Variants in CAMTA1 observed in about 807,000 individuals in gnomAD.
CAMTA1 encodes calmodulin-binding transcription activator 1.
In CAMTA1, 27 loss-of-function variants were observed where a neutral mutation model predicts 170.9. That is an observed-to-expected ratio of 0.16 (90% CI 0.12 to 0.22). The LOEUF is 0.22. CAMTA1 is among the 10% of genes least tolerant of loss of function. CAMTA1 has a pLI of 1.00. For missense variants in CAMTA1, 1,619 were observed against 2,217.2 expected, an observed-to-expected ratio of 0.73 and a Z score of 5.42; for synonymous variants, 833 against 891.5, an observed-to-expected ratio of 0.93 and a Z score of 1.17.
At chr1:7,310,763 C>T (rs1201909851) in intron 5 of CAMTA1, among the ~76,000 whole-genome samples, 1 of 146,876 alleles carries the variant, frequency 6.8e-6, no homozygotes, top group Non-Finnish European at 1.5e-5. Context: ...GACAGTCTTG[C>T]TCTGTTGCCC....
At chr1:7,279,847 C>T (rs914727002) in intron 5 of CAMTA1, among the ~76,000 whole-genome samples, 9 of 152,172 alleles carry the variant, frequency 5.9e-5, no homozygotes, top group Non-Finnish European at 1.0e-4. Flanking sequence ...CCTCAGGTTA[C>T]TGCTGGTGGT....
intron 6 of CAMTA1, among the ~76,000 whole-genome samples, chr1:7,470,773 G>A (rs1032824303): frequency 2.0e-5 from 3 of 152,202 alleles, no homozygotes; most frequent in Non-Finnish European, 4.4e-5. Flanking sequence ...TTCAGTGGCC[G>A]CCTCCTGCCG....
rs190232481 is a variant in CAMTA1, at chr1:7,286,859, T to C, written c.438+37233T>C. The stretch of plus-strand genomic sequence containing the variant: ...AAGCCTCAGTTTCCTCCTCTGAAAA[T>C]GAGGACAGAGGTGCTCTGAGGACTC... On this transcript the variant is annotated intron_variant, in intron 5 of 22. Coordinates refer to ENST00000303635, the MANE Select transcript of CAMTA1 (RefSeq NM_015215.4). The surrounding 1 kb of genome is among the most constrained non-coding windows in gnomAD (Gnocchi z 4.2). 6.6e-6 allele frequency among the ~76,000 whole-genome samples: 1 copy of C among 152,246 alleles called. No homozygotes were observed. The highest frequency in any genetic ancestry group is 2.4e-5 in the African/African-American group (1 of 41,560).
intron 6 of CAMTA1, among the ~76,000 whole-genome samples, chr1:7,492,340 G>A (rs942687918): frequency 2.0e-5 from 3 of 152,180 alleles, no homozygotes; most frequent in Non-Finnish European, 2.9e-5. Context: ...GCTTACGGGC[G>A]TGACATGCAT....
intron 18 of CAMTA1, among the ~76,000 whole-genome samples, chr1:7,746,601 G>A (rs1444557713): frequency 6.6e-6 from 1 of 152,178 alleles, no homozygotes; most frequent in Non-Finnish European, 1.5e-5. Flanking sequence ...GCCAGGGCGG[G>A]AATGGGGCTT....
rs180760348 is a variant in CAMTA1 at position 7,134,948 on chromosome 1, C to T, written c.302+43577C>T. 4.6e-4 allele frequency among the ~76,000 whole-genome samples: 70 copies of T among 152,054 alleles called. 1 individual carries two copies. The highest frequency in any genetic ancestry group is 1.4e-3 in the African/African-American group (56 of 41,460). On this transcript the variant is annotated intron_variant, in intron 4 of 22. Coordinates refer to ENST00000303635, the MANE Select transcript of CAMTA1 (RefSeq NM_015215.4). ...AATAACCTCATTAAAAATGGGCAAGCGACATGATGAGACACTTCTCAAAAG... is the reference window on the plus strand; with the variant it reads ...AATAACCTCATTAAAAATGGGCAAGTGACATGATGAGACACTTCTCAAAAG...
chr1:6,824,247 T>C (rs1326044827), intron 2 of CAMTA1, among the ~76,000 whole-genome samples: 20 of 152,144 alleles, frequency 1.3e-4, no homozygotes, highest in Non-Finnish European at 4.4e-5. Flanking sequence ...TGCCAAAGCT[T>C]GTGAGAAATT....
intron 5 of CAMTA1, among the ~76,000 whole-genome samples, chr1:7,401,738 A>C (rs1378711852): frequency 1.3e-5 from 2 of 152,178 alleles, no homozygotes; most frequent in South Asian, 2.1e-4. Context: ...TTTTGTTGCT[A>C]TCATAAATGA....
chr1:7,423,565 C>T (rs535696596), intron 5 of CAMTA1, among the ~76,000 whole-genome samples: 79 of 151,736 alleles, frequency 5.2e-4, no homozygotes, highest in Non-Finnish European at 1.0e-3. Context: ...ACCTCATTCT[C>T]TATTGTTCTA....
intron 5 of CAMTA1, among the ~76,000 whole-genome samples, chr1:7,317,519 G>T (rs184540014): frequency 6.6e-6 from 1 of 152,382 alleles, no homozygotes; most frequent in South Asian, 2.1e-4. Context: ...AAGTTTGCTC[G>T]TGTTGTTATC....
intron 22 of CAMTA1, among the ~76,000 whole-genome samples, chr1:7,763,966 T>C (rs1380401383): frequency 6.6e-6 from 1 of 152,178 alleles, no homozygotes; most frequent in African/African-American, 2.4e-5. Context: ...ATTCAGCAGA[T>C]AGGTCTGCAC....
rs2096183342 is a variant in CAMTA1 at position 7,680,595 on chromosome 1, G to A, written c.2914+2862G>A. Among the ~76,000 whole-genome samples the A allele has an allele frequency of 6.6e-6, 1 of 151,932 alleles. No individual in the cohort carries two copies. The highest frequency in any genetic ancestry group is 6.5e-5 in the Admixed American group (1 of 15,272). Reference sequence around the variant, plus strand: ...GCGGGACTAGGAAGGCCTGAGCCCGGCCACCCGCCTCCGAGTGCGCCGCAC... The same window carrying A: ...GCGGGACTAGGAAGGCCTGAGCCCGACCACCCGCCTCCGAGTGCGCCGCAC... On this transcript the variant is annotated intron_variant, in intron 11 of 22. Transcript: ENST00000303635. This position sits in a 1 kb window ranked among gnomAD's most constrained non-coding sequence, Gnocchi z 4.4.
chr1:7,326,859 C>T (rs2082713235), intron 5 of CAMTA1, among the ~76,000 whole-genome samples: 1 of 152,008 alleles, frequency 6.6e-6, no homozygotes, highest in African/African-American at 2.4e-5. Context: ...CAGAATCAGC[C>T]CTGAGGCTTG....
At chr1:7,400,311 A>T (rs2089790314) in intron 5 of CAMTA1, among the ~76,000 whole-genome samples, 1 of 151,742 alleles carries the variant, frequency 6.6e-6, no homozygotes, top group South Asian at 2.1e-4. Flanking sequence ...CAGCTGTAAG[A>T]CTTTGTTTGG....
intron 3 of CAMTA1, among the ~76,000 whole-genome samples, chr1:7,081,774 G>T: frequency 6.6e-6 from 1 of 152,330 alleles, no homozygotes; most frequent in Middle Eastern, 3.4e-3. Flanking sequence ...CAGCATGTGG[G>T]CCTGGGGTTG....
At chr1:7,699,593 G>A (rs2096416159) in intron 11 of CAMTA1, among the ~76,000 whole-genome samples, 1 of 152,220 alleles carries the variant, frequency 6.6e-6, no homozygotes, top group Non-Finnish European at 1.5e-5. Context: ...AGAACTGCCA[G>A]ACTGTTTTCC....
chr1:7,522,198 T>C lies in CAMTA1; in HGVS notation c.510+54297T>C, dbSNP rs111758730. 8.4e-3 allele frequency among the ~76,000 whole-genome samples: 1,276 copies of C among 152,286 alleles called. 19 individuals are homozygous for C. The highest frequency in any genetic ancestry group is 0.029 in the African/African-American group (1,220 of 41,556). ...TTTTTATTTGAGACATTTTGATAGG[T>C]ATGTAGTAATGTCTCATTATGGCTT... On this transcript the variant is annotated intron_variant, in intron 6 of 22. Transcript: ENST00000303635.
chr1:6,968,449 G>A (rs895168035), intron 3 of CAMTA1, among the ~76,000 whole-genome samples: 17 of 152,200 alleles, frequency 1.1e-4, no homozygotes, highest in African/African-American at 4.1e-4. Flanking sequence ...AGGAAGTCAC[G>A]TCAGCTTCTT....
chr1:7,330,009 C>T (rs1424246892), intron 5 of CAMTA1, among the ~76,000 whole-genome samples: 1 of 152,206 alleles, frequency 6.6e-6, no homozygotes, highest in African/African-American at 2.4e-5. Flanking sequence ...GTTCTTGGGG[C>T]ACCTCAGCCC....
Sources: allele counts gnomAD v4.1 joint callset (sites outside exome capture counted in the v4.1 genomes callset), GRCh38; gene constraint gnomAD v4.1.1; non-coding constraint Gnocchi (gnomAD v3.1); transcripts MANE v1.5; gene names NCBI Gene and HGNC (gene_info 2026-07-23, HGNC 2026-07-21).